Variants in PRKN observed in about 807,000 individuals in gnomAD.
The protein encoded by PRKN is E3 ubiquitin-protein ligase parkin.
In PRKN, 56 loss-of-function variants were observed where a neutral mutation model predicts 59.5. The ratio of observed to expected loss-of-function variants is 0.94; its 90% CI spans 0.76 to 1.18. PRKN has a LOEUF of 1.18. Among genes scored for constraint, PRKN ranks in the 50% most tolerant of loss-of-function variants. The pLI is 0.00. For missense variants in PRKN, 657 were observed against 596.4 expected (o/e 1.10, Z -1.06); for synonymous variants, 250 against 222.1 (o/e 1.13, Z -1.12).
At chr6:162,245,569 G>T (rs558245905) in intron 3 of PRKN, among the ~76,000 whole-genome samples, 7 of 152,092 alleles carry the variant, frequency 4.6e-5, no homozygotes, top group Middle Eastern at 3.4e-3. Flanking sequence ...TAATTTAATG[G>T]TTTTAGAGGT....
intron 5 of PRKN, among the ~76,000 whole-genome samples, chr6:162,006,639 G>A (rs1022049691): frequency 9.2e-5 from 14 of 152,116 alleles, no homozygotes; most frequent in East Asian, 7.7e-4. Flanking sequence ...CTCTGCTTAC[G>A]ATGCCTTGCA....
At chr6:162,567,955 A>C (rs776355812) in intron 1 of PRKN, among the ~76,000 whole-genome samples, 2 of 152,212 alleles carry the variant, frequency 1.3e-5, no homozygotes, top group Non-Finnish European at 2.9e-5. Flanking sequence ...GCCAAGAAAC[A>C]AATCCACACA....
chr6:162,263,121 C>T, intron 2 of PRKN: 1 of 341,600 alleles, frequency 2.9e-6, no homozygotes, highest in East Asian at 7.7e-5. Flanking sequence ...ACTCTGTCAT[C>T]CAGGCTGGAG....
At chr6:162,566,474 CA>C (rs1212246460) in intron 1 of PRKN, among the ~76,000 whole-genome samples, 1 of 151,932 alleles carries the variant, frequency 6.6e-6, no homozygotes, top group East Asian at 1.9e-4. Context: ...TGCAAAAGTT[CA>C]AAGGATCATT....
At chr6:161,915,003 C>T (rs1222472251) in intron 6 of PRKN, among the ~76,000 whole-genome samples, 3 of 151,936 alleles carry the variant, frequency 2.0e-5, no homozygotes, top group African/African-American at 4.8e-5. Context: ...TTCTTTTTTG[C>T]GTTGGGTGCG....
In PRKN at chr6:162,533,603, C is replaced by T. The variant is rs147791500; in HGVS notation, c.8-90130G>A. ...AAGGGGATGAGTGAAAACAGGCTGG[C>T]TTCAAATGCGGGTTTTACACTTTAC... On this transcript the variant is annotated intron_variant, in intron 1 of 11. Coordinates refer to ENST00000366898, the MANE Select transcript of PRKN (RefSeq NM_004562.3). Among the ~76,000 whole-genome samples the T allele has an allele frequency of 1.2e-4, 19 of 152,232 alleles. No homozygotes were observed. In the East Asian group the frequency reaches 3.7e-3, roughly 29 times the overall value.
chr6:162,140,656 G>A (rs998019306), intron 4 of PRKN, among the ~76,000 whole-genome samples: 2 of 152,080 alleles, frequency 1.3e-5, no homozygotes, highest in African/African-American at 4.8e-5. Flanking sequence ...CATCTCAGAG[G>A]GTTGCCAAAT....
intron 2 of PRKN, among the ~76,000 whole-genome samples, chr6:162,337,064 GA>G (rs1312490574): frequency 1.3e-5 from 2 of 152,150 alleles, no homozygotes; most frequent in Non-Finnish European, 2.9e-5. Flanking sequence ...GTTTAAACAT[GA>G]CTCTTATGTA....
At chr6:161,474,388 G>T (rs548131024) in intron 9 of PRKN, among the ~76,000 whole-genome samples, 1 of 152,160 alleles carries the variant, frequency 6.6e-6, no homozygotes, top group Non-Finnish European at 1.5e-5. Context: ...AGTCCGTGGA[G>T]CTTGTGAACT....
At chr6:162,638,824 A>G (rs997004435) in intron 1 of PRKN, among the ~76,000 whole-genome samples, 4 of 140,584 alleles carry the variant, frequency 2.8e-5, no homozygotes, top group Non-Finnish European at 6.0e-5. Flanking sequence ...GGCTCACTGC[A>G]ACCTCTGCCT....
intron 7 of PRKN, among the ~76,000 whole-genome samples, chr6:161,699,438 G>C (rs73783341): frequency 6.6e-6 from 1 of 152,002 alleles, no homozygotes; most frequent in Admixed American, 6.6e-5. Context: ...TGACCCAAAC[G>C]TCCACCAACA....
At chr6:161,450,262 T>A (rs1413633118) in intron 9 of PRKN, among the ~76,000 whole-genome samples, 1 of 152,172 alleles carries the variant, frequency 6.6e-6, no homozygotes, top group Non-Finnish European at 1.5e-5. Flanking sequence ...TCCAGAGGCA[T>A]GCAGGACCCC....
Position 161,549,623 on chromosome 6 carries a change from C to T in PRKN, c.934-620G>A, listed in dbSNP as rs765465410. Among the ~76,000 whole-genome samples, 6 of 152,034 alleles carry T rather than the reference C, an allele frequency of 3.9e-5. No individual in the cohort carries two copies. Among genetic ancestry groups the T allele is most frequent in the Middle Eastern group, 3.2e-3 (1 of 312 alleles). ...CCCTGATGTCATTTCTTCCTGGTACCGTTTTGCTCAATTTCCTTTAATGGT... is the reference window on the plus strand; with the variant it reads ...CCCTGATGTCATTTCTTCCTGGTACTGTTTTGCTCAATTTCCTTTAATGGT... On this transcript the variant is annotated intron_variant, in intron 8 of 11. Coordinates refer to ENST00000366898, the MANE Select transcript of PRKN (RefSeq NM_004562.3). The surrounding 1 kb of genome is among the most constrained non-coding windows in gnomAD (Gnocchi z 6.0).
intron 7 of PRKN, among the ~76,000 whole-genome samples, chr6:161,609,797 G>A (rs1037446329): frequency 6.6e-6 from 1 of 152,202 alleles, no homozygotes; most frequent in Non-Finnish European, 1.5e-5. Flanking sequence ...GGGAGTCGCA[G>A]TGCCTGGGGG....
chr6:161,851,732 C>G (rs538943999), intron 6 of PRKN, among the ~76,000 whole-genome samples: 5 of 151,290 alleles, frequency 3.3e-5, no homozygotes, highest in Admixed American at 2.6e-4. Flanking sequence ...GTGATCCACC[C>G]GCTGAAGTCC....
rs557027684 is a variant in PRKN at position 162,084,794 on chromosome 6, C to T, written c.535-30620G>A. Reference sequence around the variant, plus strand: ...ATTTAAAAAATACTCAAGCAAACTTCAGTTATAAGGCAATTATGATCCAAG... The same window carrying T: ...ATTTAAAAAATACTCAAGCAAACTTTAGTTATAAGGCAATTATGATCCAAG... On this transcript the variant is annotated intron_variant, in intron 4 of 11. Coordinates refer to ENST00000366898, the MANE Select transcript of PRKN (RefSeq NM_004562.3). 1.7e-3 allele frequency among the ~76,000 whole-genome samples: 254 copies of T among 151,804 alleles called. 4 individuals are homozygous for T. Among genetic ancestry groups the T allele is most frequent in the Non-Finnish European group, 2.2e-3 (151 of 67,954 alleles).
At position 161,680,751 on chromosome 6, in the gene PRKN, ATATATATATATATATATATATATATT is replaced by A. The variant is rs1239587199; in HGVS notation, c.871+104995_871+105020del. Among the ~76,000 whole-genome samples the A allele has an allele frequency of 6.2e-3, 96 of 15,594 alleles. 3 individuals are homozygous for A. Among genetic ancestry groups the A allele is most frequent in the East Asian group, 0.022 (12 of 538 alleles). 10.2% of individuals were successfully genotyped at this position (15,594 alleles called of 152,430 possible). A position where few individuals can be genotyped will look rare whatever the true frequency, so the allele number is the denominator to read the frequency against. ...CATATATATATATATATATATATAT[ATATATATATATATATATATATATATT>A]TTTTTTTTTTTTTCTTTTCCTAAAA... On this transcript the variant is annotated intron_variant, in intron 7 of 11. Transcript: ENST00000366898.
intron 6 of PRKN, 37 bp from the exon 7 acceptor site, chr6:161,785,945 G>A: frequency 1.2e-6 from 2 of 1,611,728 alleles, no homozygotes; most frequent in Non-Finnish European, 1.7e-6. Context: ...TCTAGTACCT[G>A]TCAGTGTGGA....
intron 6 of PRKN, among the ~76,000 whole-genome samples, chr6:161,798,427 A>G (rs1450180632): frequency 1.3e-5 from 2 of 152,198 alleles, no homozygotes; most frequent in African/African-American, 4.8e-5. Flanking sequence ...CTGTGACATC[A>G]GCAGGTTAGA....
Sources: gnomAD v4.1 joint callset for allele counts (sites outside exome capture counted in the v4.1 genomes callset) on GRCh38, gnomAD v4.1.1 for gene constraint, Gnocchi (gnomAD v3.1) non-coding constraint, MANE v1.5 for transcripts, NCBI Gene and HGNC (gene_info 2026-07-23, HGNC 2026-07-21) for gene names.